ITGA11: variants seen among roughly 807,000 people sequenced by gnomAD.
ITGA11 encodes integrin alpha-11.
Under a neutral mutation model 141.9 loss-of-function variants are expected in ITGA11, and 97 were observed. The observed-to-expected ratio is 0.68, with a 90% CI of 0.58 to 0.81. The LOEUF is 0.81. Among genes scored for constraint, ITGA11 ranks in the 30% least tolerant of loss-of-function variants. The pLI, the probability that ITGA11 is intolerant of heterozygous loss-of-function variation, is 0.00. For missense variants in ITGA11, 1,387 were observed against 1,559.2 expected (o/e 0.89, Z 1.86); for synonymous variants, 658 against 624.6 (o/e 1.05, Z -0.80).
rs368707269 is a variant in ITGA11, at chr15:68,339,662, A to G, written c.1132-18T>C. 2 of 1,613,696 alleles carry G rather than the reference A, an allele frequency of 1.2e-6. No individual in the cohort carries two copies. The highest frequency in any genetic ancestry group is 1.1e-5 in the South Asian group (1 of 91,072). ...ACCCCATCCTGGCATTGGGGAGGGG[A>G]CACACATCAGCACCTGTCCTCATGG... On this transcript the variant is annotated intron_variant, in intron 10 of 29. Coordinates refer to ENST00000315757, the MANE Select transcript of ITGA11 (RefSeq NM_001004439.2).
chr15:68,339,639 C>T lies in ITGA11; in HGVS notation c.1137G>A (p.Gly379=), dbSNP rs1015521898. The stretch of plus-strand genomic sequence containing the variant: ...AGGCACCGACGGCTCCCAGCAGAAC[C>T]CCATCCTGGCATTGGGGAGGGGACA... ...TGFSSHVVED[G]VLLGAVGAYD... The change falls in exon 11 of 30, where the codon GGG becomes GGA. Residue 379 remains glycine (G), a synonymous_variant. Transcript: ENST00000315757. 3 of 1,613,964 alleles carry T rather than the reference C, an allele frequency of 1.9e-6. No homozygotes were observed. The highest frequency in any genetic ancestry group is 1.1e-5 in the South Asian group (1 of 91,084).
intron 6 of ITGA11, among the ~76,000 whole-genome samples, chr15:68,357,783 A>G (rs892558542): frequency 2.6e-5 from 4 of 150,960 alleles, no homozygotes; most frequent in Non-Finnish European, 6.0e-5. Context: ...TAGGAATAGA[A>G]CCATGAAACG....
chr15:68,426,472 G>A (rs903014754), intron 1 of ITGA11, among the ~76,000 whole-genome samples: 1 of 152,140 alleles, frequency 6.6e-6, no homozygotes, highest in Non-Finnish European at 1.5e-5. Flanking sequence ...TGGGGAGAGG[G>A]GAGAGGGAGA....
intron 1 of ITGA11, among the ~76,000 whole-genome samples, chr15:68,403,306 G>A (rs1451817839): frequency 6.6e-6 from 1 of 152,190 alleles, no homozygotes; most frequent in Non-Finnish European, 1.5e-5. Context: ...CGTTGAAACA[G>A]GATTCCCAAT....
intron 14 of ITGA11, 105 bp downstream of exon 14, chr15:68,331,754 G>C: frequency 1.0e-6 from 1 of 986,018 alleles, no homozygotes; most frequent in Non-Finnish European, 1.5e-6. Flanking sequence ...TTCTGTGAGA[G>C]GGCCTGGAAG....
chr15:68,396,815 A>C (rs1217954142), intron 2 of ITGA11, among the ~76,000 whole-genome samples: 13 of 143,930 alleles, frequency 9.0e-5, no homozygotes, highest in Non-Finnish European at 6.0e-5. Flanking sequence ...CATTTGTAAT[A>C]GTATAAAATA....
At chr15:68,332,911 T>C (rs950374795) in intron 12 of ITGA11, among the ~76,000 whole-genome samples, 3 of 152,226 alleles carry the variant, frequency 2.0e-5, no homozygotes, top group African/African-American at 7.2e-5. Context: ...TGTGTATATA[T>C]GCTTTTATTT....
intron 1 of ITGA11, among the ~76,000 whole-genome samples, chr15:68,421,473 A>G (rs1025056300): frequency 3.9e-5 from 6 of 152,098 alleles, no homozygotes; most frequent in African/African-American, 1.4e-4. Context: ...ACATGATGTG[A>G]CCTACATTCT....
chr15:68,364,459 G>A (rs2306015), intron 4 of ITGA11, among the ~76,000 whole-genome samples: 140,298 of 152,256 alleles, frequency 0.92, 65,199 homozygotes, highest in East Asian at 0.98. Flanking sequence ...ACACAAAAGG[G>A]CTCAATTGTT....
intron 7 of ITGA11, 62 bp downstream of exon 7, chr15:68,357,089 A>G: frequency 6.8e-7 from 1 of 1,478,154 alleles, no homozygotes; most frequent in Non-Finnish European, 9.2e-7. Flanking sequence ...TTACAAGGCA[A>G]TAGATAACTA....
intron 1 of ITGA11, among the ~76,000 whole-genome samples, chr15:68,428,080 G>A (rs541694734): frequency 7.2e-5 from 11 of 152,246 alleles, no homozygotes; most frequent in South Asian, 6.2e-4. Flanking sequence ...AACAATGTTC[G>A]ACTTTGACCC....
At chr15:68,382,018 G>A (rs752924246) in intron 2 of ITGA11, among the ~76,000 whole-genome samples, 2 of 152,314 alleles carry the variant, frequency 1.3e-5, no homozygotes, top group East Asian at 3.9e-4. Context: ...CCGGCCTTGG[G>A]TTGCATTAGG....
chr15:68,383,906 T>C (rs1325084595), intron 2 of ITGA11, among the ~76,000 whole-genome samples: 1 of 151,418 alleles, frequency 6.6e-6, no homozygotes. Flanking sequence ...GGTGGGGGAG[T>C]GGGAAGAGAC....
Position 68,325,073 on chromosome 15 carries a change from G to T in ITGA11, c.2322+58C>A. 2.4e-6 allele frequency: 3 copies of T among 1,228,430 alleles called. No individual in the cohort carries two copies. The highest frequency in any genetic ancestry group is 3.6e-6 in the Non-Finnish European group (3 of 828,384). 76.1% of individuals were successfully genotyped at this position (1,228,430 alleles called of 1,614,324 possible). A position where few individuals can be genotyped will look rare whatever the true frequency, so the allele number is the denominator to read the frequency against. ...CACTCAGGCTCTGGGCTTTGGGGTT[G>T]AGGTGGAGGTGGGGGTGGGGTTCAT... On this transcript the variant is annotated intron_variant, in intron 18 of 29. Transcript: ENST00000315757. This position sits in a 1 kb window ranked among gnomAD's most constrained non-coding sequence, Gnocchi z 5.5.
intron 2 of ITGA11, among the ~76,000 whole-genome samples, chr15:68,380,165 C>T (rs1895823163): frequency 6.6e-6 from 1 of 152,178 alleles, no homozygotes; most frequent in African/African-American, 2.4e-5. Flanking sequence ...ACAACTGGTA[C>T]CCTCATTCTT....
chr15:68,402,805 ACGT>A, intron 2 of ITGA11, 110 bp downstream of exon 2: 6 of 666,462 alleles, frequency 9.0e-6, no homozygotes, highest in Non-Finnish European at 1.6e-5. Context: ...GTCACTGGAA[ACGT>A]CAGTCTCCAT....
At chr15:68,347,921 TAC>T (rs59472483) in intron 10 of ITGA11, among the ~76,000 whole-genome samples, 6,021 of 151,028 alleles carry the variant, frequency 0.04, 166 homozygotes, top group African/African-American at 0.077. Flanking sequence ...AGAACACACA[TAC>T]ACACACACAC....
intron 1 of ITGA11, among the ~76,000 whole-genome samples, chr15:68,418,574 C>A (rs1007264377): frequency 2.2e-5 from 3 of 137,792 alleles, no homozygotes; most frequent in South Asian, 2.8e-4. Flanking sequence ...CCCACCCCCC[C>A]ACCCCCTTCC....
intron 12 of ITGA11, 131 bp from the exon 13 acceptor site, chr15:68,332,609 C>T (rs1473939884): frequency 5.0e-6 from 5 of 999,062 alleles, no homozygotes; most frequent in South Asian, 3.3e-5. Flanking sequence ...AATGGATCCT[C>T]CCTTCTCACG....
Sources: allele counts gnomAD v4.1 joint callset (sites outside exome capture counted in the v4.1 genomes callset), GRCh38; gene constraint gnomAD v4.1.1; non-coding constraint Gnocchi (gnomAD v3.1); transcripts MANE v1.5; gene names NCBI Gene and HGNC (gene_info 2026-07-23, HGNC 2026-07-21).